The following ZNF804B variants were observed in gnomAD, a reference collection of about 807,000 sequenced individuals.
ZNF804B encodes the protein zinc finger protein 804B.
A neutral mutation model predicts 101.4 loss-of-function variants in ZNF804B; 80 were observed. That is an observed-to-expected ratio of 0.79 (90% CI 0.66 to 0.95). ZNF804B has a LOEUF of 0.95. Ranked by LOEUF, ZNF804B falls within the 40% of genes least tolerant of loss-of-function variation. ZNF804B has a pLI of 0.00. For synonymous variants in ZNF804B, 622 were observed against 558.8 expected (o/e 1.11, Z -1.59); for missense variants, 1,673 against 1,561.9 (o/e 1.07, Z -1.20).
chr7:88,945,629 A>T (rs1793117486), intron 1 of ZNF804B, among the ~76,000 whole-genome samples: 1 of 143,658 alleles, frequency 7.0e-6, no homozygotes. Flanking sequence ...CTGTGAAGAA[A>T]GTCAATGGTA....
chr7:89,175,494 AG>A (rs1417407427), intron 1 of ZNF804B, among the ~76,000 whole-genome samples: 10 of 152,164 alleles, frequency 6.6e-5, no homozygotes, highest in African/African-American at 1.9e-4. Context: ...GATAATTTGA[AG>A]CTAGGTAATG....
chr7:89,171,207 A>G (rs1417745275), intron 1 of ZNF804B, among the ~76,000 whole-genome samples: 2 of 152,170 alleles, frequency 1.3e-5, no homozygotes, highest in East Asian at 3.9e-4. Context: ...GGTTCAAAGT[A>G]TTCATTAGGG....
intron 1 of ZNF804B, among the ~76,000 whole-genome samples, chr7:89,200,153 A>C (rs183016529): frequency 2.0e-5 from 3 of 151,920 alleles, no homozygotes; most frequent in Admixed American, 6.6e-5. Context: ...TTGAGTTTGC[A>C]TATGGTTGAG....
At chr7:88,979,183 T>C (rs901895766) in intron 1 of ZNF804B, among the ~76,000 whole-genome samples, 1 of 152,012 alleles carries the variant, frequency 6.6e-6, no homozygotes, top group African/African-American at 2.4e-5. Flanking sequence ...TTTTTTAGTC[T>C]TTCTACTCAA....
chr7:89,213,167 C>A (rs1788830608), intron 1 of ZNF804B, among the ~76,000 whole-genome samples: 1 of 152,004 alleles, frequency 6.6e-6, no homozygotes, highest in Non-Finnish European at 1.5e-5. Context: ...ACCTCCAAAG[C>A]AAGTTTTCTG....
chr7:89,019,408 A>G (rs73202798), intron 1 of ZNF804B, among the ~76,000 whole-genome samples: 4,221 of 152,122 alleles, frequency 0.028, 87 homozygotes, highest in Non-Finnish European at 0.042. Flanking sequence ...CATATGGTCA[A>G]ATGTGAAGAA....
At chr7:89,103,370 T>C (rs190165927) in intron 1 of ZNF804B, among the ~76,000 whole-genome samples, 10 of 151,956 alleles carry the variant, frequency 6.6e-5, no homozygotes, top group African/African-American at 2.4e-4. Context: ...ATTGGGTATT[T>C]TTCCATTTAT....
intron 1 of ZNF804B, among the ~76,000 whole-genome samples, chr7:88,977,515 A>C (rs532578738): frequency 2.0e-5 from 3 of 151,566 alleles, no homozygotes; most frequent in East Asian, 3.9e-4. Flanking sequence ...CTTCTAGCTT[A>C]CTCAATTTAT....
At chr7:89,296,794 A>T (rs1790391222) in intron 2 of ZNF804B, among the ~76,000 whole-genome samples, 1 of 152,096 alleles carries the variant, frequency 6.6e-6, no homozygotes, top group Admixed American at 6.6e-5. Context: ...AAAACAGAGA[A>T]CTTAATAGGT....
At chr7:89,202,945 T>C (rs927117587) in intron 1 of ZNF804B, among the ~76,000 whole-genome samples, 5 of 152,146 alleles carry the variant, frequency 3.3e-5, no homozygotes, top group Non-Finnish European at 5.9e-5. Context: ...GTATTGTAGC[T>C]AGACGTATTC....
chr7:89,110,115 G>A (rs889925375), intron 1 of ZNF804B, among the ~76,000 whole-genome samples: 5 of 152,136 alleles, frequency 3.3e-5, no homozygotes, highest in Admixed American at 1.3e-4. Flanking sequence ...GACAGGAAAG[G>A]ATAATGTTTC....
chr7:89,143,945 A>C (rs1790752329), intron 1 of ZNF804B, among the ~76,000 whole-genome samples: 1 of 152,022 alleles, frequency 6.6e-6, no homozygotes, highest in Non-Finnish European at 1.5e-5. Context: ...CTGGTATAAA[A>C]GTCAAACCAA....
intron 1 of ZNF804B, among the ~76,000 whole-genome samples, chr7:89,164,527 T>C (rs1213293915): frequency 6.6e-6 from 1 of 152,152 alleles, no homozygotes; most frequent in Admixed American, 6.5e-5. Context: ...CATGAAGCTC[T>C]TATTTTGATG....
chr7:88,876,238 C>T (rs887476231), intron 1 of ZNF804B, among the ~76,000 whole-genome samples: 1 of 152,110 alleles, frequency 6.6e-6, no homozygotes, highest in African/African-American at 2.4e-5. Context: ...TCTTTGCAGA[C>T]CTGTCAGATC....
chr7:89,083,361 G>A (rs991024446), intron 1 of ZNF804B, among the ~76,000 whole-genome samples: 1 of 151,710 alleles, frequency 6.6e-6, no homozygotes, highest in Admixed American at 6.6e-5. Flanking sequence ...AATCATATCT[G>A]TTAATAATTT....
intron 1 of ZNF804B, among the ~76,000 whole-genome samples, chr7:88,806,471 G>A (rs559503246): frequency 1.3e-5 from 2 of 151,942 alleles, no homozygotes; most frequent in Non-Finnish European, 2.9e-5. Flanking sequence ...GTTAACTTTC[G>A]TATCTGGCAT....
chr7:89,300,659 G>A (rs1248810440), intron 2 of ZNF804B, among the ~76,000 whole-genome samples: 1 of 151,890 alleles, frequency 6.6e-6, no homozygotes, highest in Non-Finnish European at 1.5e-5. Flanking sequence ...GAGAGAGGCA[G>A]AGTAGAGAGA....
intron 1 of ZNF804B, among the ~76,000 whole-genome samples, chr7:89,069,942 A>G (rs932520183): frequency 1.4e-4 from 21 of 152,206 alleles, no homozygotes; most frequent in Non-Finnish European, 2.1e-4. Flanking sequence ...GATGCCTGCT[A>G]CAAACTTAGT....
chr7:88,992,318 AAGAG>A (rs1413158190), intron 1 of ZNF804B, among the ~76,000 whole-genome samples: 1 of 152,120 alleles, frequency 6.6e-6, no homozygotes. Flanking sequence ...CCTTGGACTA[AAGAG>A]AAAGTCATGT....
Sources: gnomAD v4.1 joint callset for allele counts (sites outside exome capture counted in the v4.1 genomes callset) on GRCh38, gnomAD v4.1.1 for gene constraint, MANE v1.5 for transcripts, NCBI Gene and HGNC (gene_info 2026-07-23, HGNC 2026-07-21) for gene names.